Variants in SORBS2 observed in about 807,000 individuals in gnomAD.
SORBS2 encodes sorbin and SH3 domain containing 2.
SORBS2 carries 46 observed loss-of-function variants against 97.7 expected under a neutral mutation model. The ratio of observed to expected loss-of-function variants is 0.47; its 90% CI spans 0.37 to 0.60. SORBS2 has a LOEUF of 0.60. Ranked by LOEUF, SORBS2 falls within the 20% of genes least tolerant of loss-of-function variation. The pLI is 0.00. For missense variants in SORBS2, 1,316 were observed against 1,282.3 expected (o/e 1.03, Z -0.40); for synonymous variants, 476 against 473.4 (o/e 1.01, Z -0.07).
rs73873308 is a variant in SORBS2, at chr4:185,704,042, G to C, written c.-197-25220C>G. On this transcript the variant is annotated intron_variant, in intron 2 of 20. Transcript: ENST00000284776. ...TAACATCAATTCATATGGAATGAAT[G>C]CTTCTAAAAAGGTTTATTTTGTGTA... 7.5e-3 allele frequency among the ~76,000 whole-genome samples: 1,141 copies of C among 152,290 alleles called. 14 individuals are homozygous for C. The highest frequency in any genetic ancestry group is 0.026 in the African/African-American group (1,088 of 41,558).
intron 4 of SORBS2, among the ~76,000 whole-genome samples, chr4:185,633,115 A>G (rs552082215): frequency 6.6e-6 from 1 of 152,348 alleles, no homozygotes; most frequent in South Asian, 2.1e-4. Context: ...TCTGTTAAGT[A>G]GCTATGAGAT....
At chr4:185,869,019 G>C (rs1394221130) in intron 1 of SORBS2, among the ~76,000 whole-genome samples, 3 of 152,166 alleles carry the variant, frequency 2.0e-5, no homozygotes, top group African/African-American at 7.2e-5. Flanking sequence ...CGCTTGGACT[G>C]TTGGCCAAGA....
At chr4:185,620,276 C>T in intron 7 of SORBS2, 125 bp from the exon 20 acceptor site, 2 of 700,850 alleles carry the variant, frequency 2.9e-6, no homozygotes, top group South Asian at 3.3e-5. Flanking sequence ...TTATCGAACA[C>T]ATGGGCATAA....
At chr4:185,902,587 T>G (rs1460332120) in intron 1 of SORBS2, among the ~76,000 whole-genome samples, 1 of 151,932 alleles carries the variant, frequency 6.6e-6, no homozygotes, top group African/African-American at 2.4e-5. Context: ...AAGACTAACT[T>G]CAATAATTGG....
At chr4:185,855,380 T>C (rs1579203278) in intron 1 of SORBS2, among the ~76,000 whole-genome samples, 2 of 152,328 alleles carry the variant, frequency 1.3e-5, no homozygotes, top group African/African-American at 4.8e-5. Flanking sequence ...CCACTTAATG[T>C]ATCAATGTTT....
Position 185,606,809 on chromosome 4 carries a change from C to A in SORBS2, c.2796+4971G>T, listed in dbSNP as rs2096433139. 8.1e-6 allele frequency: 8 copies of A among 985,256 alleles called. No individual in the cohort carries two copies. Among genetic ancestry groups the A allele is most frequent in the African/African-American group, 1.7e-5 (1 of 57,208 alleles). The allele number at this position is 985,256 out of a possible 1,614,324, so 61.0% of individuals were successfully genotyped here. A position where few individuals can be genotyped will look rare whatever the true frequency, so the allele number is the denominator to read the frequency against. ...CCTGACACAATCCCCTCATAGATGC[C>A]CTCATCTTCCTCTCCAATGACCGGA... On this transcript the variant is annotated intron_variant, in intron 12 of 14. Transcript: ENST00000418609. The surrounding 1 kb of genome is among the most constrained non-coding windows in gnomAD (Gnocchi z 4.3).
intron 5 of SORBS2, among the ~76,000 whole-genome samples, chr4:185,627,597 C>T (rs886311666): frequency 1.4e-4 from 21 of 152,298 alleles, no homozygotes; most frequent in African/African-American, 5.1e-4. Context: ...TAGTCCCTTT[C>T]CTCTTGCACA....
At chr4:185,836,143 T>C (rs1561220582) in intron 1 of SORBS2, among the ~76,000 whole-genome samples, 2 of 152,180 alleles carry the variant, frequency 1.3e-5, no homozygotes, top group African/African-American at 4.8e-5. Context: ...GCTACAGATG[T>C]CTACTTGGGA....
chr4:185,874,421 C>A (rs544651892), intron 1 of SORBS2, among the ~76,000 whole-genome samples: 70 of 152,202 alleles, frequency 4.6e-4, no homozygotes, highest in Non-Finnish European at 8.8e-4. Context: ...GGTAAGAGTT[C>A]GGGTCAGTCT....
intron 12 of SORBS2, among the ~76,000 whole-genome samples, chr4:185,602,735 G>A (rs780086694): frequency 7.2e-6 from 1 of 138,450 alleles, no homozygotes; most frequent in Non-Finnish European, 1.5e-5. Flanking sequence ...AAAAGGCTTC[G>A]GACTCAGATT....
chr4:185,725,831 G>C (rs1015971283), intron 2 of SORBS2, among the ~76,000 whole-genome samples: 1 of 152,086 alleles, frequency 6.6e-6, no homozygotes, highest in Non-Finnish European at 1.5e-5. Context: ...TATTTTGAAA[G>C]GAACACTGAC....
intron 1 of SORBS2, among the ~76,000 whole-genome samples, chr4:185,901,151 T>C (rs919081476): frequency 6.6e-5 from 10 of 152,330 alleles, no homozygotes; most frequent in Non-Finnish European, 1.5e-4. Flanking sequence ...CTGTGTAGAC[T>C]ATGTTTCCAA....
At chr4:185,593,312 T>C (rs1230808236) in intron 13 of SORBS2, 1 of 152,508 alleles carries the variant, frequency 6.6e-6, no homozygotes, top group East Asian at 1.9e-4. Flanking sequence ...TCAGGCTGAT[T>C]TAACTCATGT....
chr4:185,647,195 G>T (rs1370688593), intron 3 of SORBS2, among the ~76,000 whole-genome samples: 1 of 152,120 alleles, frequency 6.6e-6, no homozygotes, highest in Admixed American at 6.5e-5. Context: ...GTGTCATGTG[G>T]GTTGGCGTGC....
chr4:185,898,090 C>T (rs1423315630), intron 1 of SORBS2, among the ~76,000 whole-genome samples: 3 of 152,174 alleles, frequency 2.0e-5, no homozygotes, highest in Non-Finnish European at 4.4e-5. Flanking sequence ...GGCTAACATT[C>T]CATCTAAGCA....
At chr4:185,813,636 C>G (rs1481406140) in intron 1 of SORBS2, among the ~76,000 whole-genome samples, 1 of 152,200 alleles carries the variant, frequency 6.6e-6, no homozygotes, top group Non-Finnish European at 1.5e-5. Flanking sequence ...ATTTCCTTGC[C>G]CTGCAGATGC....
chr4:185,756,835 C>G (rs1265805700), intron 2 of SORBS2, among the ~76,000 whole-genome samples: 1 of 151,612 alleles, frequency 6.6e-6, no homozygotes, highest in Non-Finnish European at 1.5e-5. Flanking sequence ...CTAAAACAAC[C>G]CTCTACGTCT....
chr4:185,623,384 C>G lies in SORBS2; in HGVS notation c.1745G>C (p.Arg582Thr). 1 of 1,612,798 alleles carries G rather than the reference C, an allele frequency of 6.2e-7. No homozygotes were observed. Among genetic ancestry groups the G allele is most frequent in the Non-Finnish European group, 8.5e-7 (1 of 1,180,032 alleles). The stretch of plus-strand genomic sequence containing the variant: ...TCTGGGCTCCTCGGTGTTTTCGTGT[C>G]TGGCTCTTTCGTGTTTTAACATTGT... The change falls in exon 7 of 15, where the codon AGA (arginine) becomes ACA (threonine). Residue 582 changes from arginine to threonine, a missense_variant. Coordinates refer to ENST00000418609, the Ensembl canonical transcript of SORBS2. The surrounding 1 kb of genome is among the most constrained non-coding windows in gnomAD (Gnocchi z 6.4).
chr4:185,945,320 A>C (rs1197542700), intron 1 of SORBS2, among the ~76,000 whole-genome samples: 2 of 152,250 alleles, frequency 1.3e-5, no homozygotes, highest in East Asian at 3.8e-4. Context: ...TGAAGAAACC[A>C]AACCAAATAT....
Sources: gnomAD v4.1 joint callset for allele counts (sites outside exome capture counted in the v4.1 genomes callset) on GRCh38, gnomAD v4.1.1 for gene constraint, Gnocchi (gnomAD v3.1) non-coding constraint, MANE v1.5 for transcripts, NCBI Gene and HGNC (gene_info 2026-07-23, HGNC 2026-07-21) for gene names.